SND1: variants seen among roughly 807,000 people sequenced by gnomAD.
SND1 encodes the protein staphylococcal nuclease and tudor domain containing 1.
Under a neutral mutation model 121.7 loss-of-function variants are expected in SND1, and 38 were observed. That is an observed-to-expected ratio of 0.31 (90% CI 0.24 to 0.41). The LOEUF is 0.41. Ranked by LOEUF, SND1 falls within the 10% of genes least tolerant of loss-of-function variation. SND1 has a pLI of 1.00. For missense variants in SND1, 868 were observed against 1,184.6 expected (o/e 0.73, Z 3.92); for synonymous variants, 401 against 447.4 (o/e 0.90, Z 1.31).
At chr7:127,915,623 A>G (rs1800557923) in intron 14 of SND1, among the ~76,000 whole-genome samples, 1 of 152,238 alleles carries the variant, frequency 6.6e-6, no homozygotes, top group Non-Finnish European at 1.5e-5. Context: ...TACAGGGAAT[A>G]CACAATTTGT....
chr7:127,976,145 G>A (rs1285396548), intron 15 of SND1, among the ~76,000 whole-genome samples: 1 of 152,220 alleles, frequency 6.6e-6, no homozygotes, highest in African/African-American at 2.4e-5. Context: ...CAGGAACCCT[G>A]GTCGGGGAAT....
chr7:128,048,600 C>T (rs1317741379), intron 16 of SND1, among the ~76,000 whole-genome samples: 3 of 151,856 alleles, frequency 2.0e-5, no homozygotes, highest in African/African-American at 4.8e-5. Flanking sequence ...AGCCTTGGGA[C>T]GGGAGAGAGG....
intron 10 of SND1, among the ~76,000 whole-genome samples, chr7:127,754,521 A>G (rs901987813): frequency 3.9e-5 from 6 of 152,198 alleles, no homozygotes; most frequent in African/African-American, 4.8e-5. Context: ...AGGTTGATAG[A>G]TCATTTGTTA....
rs549405630 is a variant in SND1 at position 127,836,428 on chromosome 7, A to G, written c.1243-7896A>G. ...AAGCACCTAATTACAATGATTTGGA[A>G]GGGGGTGTTAGAGAATACATCTGGG... On this transcript the variant is annotated intron_variant, in intron 11 of 23. Transcript: ENST00000354725. 7.9e-5 allele frequency among the ~76,000 whole-genome samples: 12 copies of G among 152,286 alleles called. No individual in the cohort carries two copies. The South Asian group carries it at 2.3e-3, about 29-fold the overall frequency.
chr7:127,706,181 A>G (rs781331848), intron 8 of SND1, among the ~76,000 whole-genome samples: 1 of 151,984 alleles, frequency 6.6e-6, no homozygotes, highest in Admixed American at 6.5e-5. Context: ...TGGTTCAGAG[A>G]ATCCTGTTAT....
intron 15 of SND1, among the ~76,000 whole-genome samples, chr7:127,955,565 A>G (rs1372455949): frequency 6.6e-6 from 1 of 152,168 alleles, no homozygotes; most frequent in East Asian, 1.9e-4. Flanking sequence ...TCTAGGATTT[A>G]AAACAGGAGA....
At chr7:127,789,057 T>G (rs1029172689) in intron 10 of SND1, among the ~76,000 whole-genome samples, 4 of 152,236 alleles carry the variant, frequency 2.6e-5, no homozygotes, top group African/African-American at 9.6e-5. Context: ...GCATGTACAT[T>G]TTAACAAATG....
chr7:128,029,502 G>T lies in SND1; in HGVS notation c.1779+38446G>T, dbSNP rs373622270. 59 of 1,613,980 alleles carry T rather than the reference G, an allele frequency of 3.7e-5. No homozygotes were observed. Among genetic ancestry groups the T allele is most frequent in the Non-Finnish European group, 4.7e-5 (56 of 1,180,036 alleles). On this transcript the variant is annotated intron_variant, in intron 16 of 23. Coordinates refer to ENST00000354725, the MANE Select transcript of SND1 (RefSeq NM_014390.4). The surrounding 1 kb of genome is among the most constrained non-coding windows in gnomAD (Gnocchi z 4.2). ...ATTGGGCAGCAACCACTTCACGGAG[G>T]ACATAGGGGGAGTCCGACACTTAAG...
chr7:127,809,765 G>A (rs1380935280), intron 11 of SND1, among the ~76,000 whole-genome samples: 4 of 152,198 alleles, frequency 2.6e-5, no homozygotes, highest in African/African-American at 7.2e-5. Flanking sequence ...ATTTTGAGGA[G>A]TTGCTAGAAT....
chr7:127,856,143 T>C (rs1799268340), intron 12 of SND1, among the ~76,000 whole-genome samples: 1 of 152,238 alleles, frequency 6.6e-6, no homozygotes, highest in African/African-American at 2.4e-5. Context: ...GTAATGGATA[T>C]GCATGAGTAA....
At position 127,686,698 on chromosome 7, in the gene SND1, G is replaced by A. The variant is rs1795818660; in HGVS notation, c.164G>A (p.Arg55His). 2 of 1,614,026 alleles carry A rather than the reference G, an allele frequency of 1.2e-6. No individual in the cohort carries two copies. The highest frequency in any genetic ancestry group is 1.3e-5 in the African/African-American group (1 of 74,924). The change falls in exon 2 of 24, where the codon CGT becomes CAT. Residue 55 changes from arginine (R) to histidine (H), a missense_variant. Coordinates refer to ENST00000354725, the MANE Select transcript of SND1 (RefSeq NM_014390.4). Reference sequence around the variant, plus strand: ...CGGCAGATCAACCTCAGCAACATTCGTGCTGGAAATCTTGCTCGCCGGGCA... The same window carrying A: ...CGGCAGATCAACCTCAGCAACATTCATGCTGGAAATCTTGCTCGCCGGGCA... ...PERQINLSNI[R>H]AGNLARRAAA...
At chr7:128,002,574 T>A (rs1802862491) in intron 16 of SND1, among the ~76,000 whole-genome samples, 1 of 152,158 alleles carries the variant, frequency 6.6e-6, no homozygotes, top group South Asian at 2.1e-4. Flanking sequence ...ACCTCATGGA[T>A]GTCTAAGGAA....
chr7:127,699,074 C>A, intron 4 of SND1, 121 bp downstream of exon 4: 1 of 736,000 alleles, frequency 1.4e-6, no homozygotes. Flanking sequence ...GACATTCTTG[C>A]CCAGGTATGG....
chr7:128,005,892 C>G (rs1462456754), intron 16 of SND1, among the ~76,000 whole-genome samples: 2 of 152,198 alleles, frequency 1.3e-5, no homozygotes, highest in Non-Finnish European at 2.9e-5. Flanking sequence ...GTCCCCACCC[C>G]CAGCCCCCGA....
At chr7:127,934,763 T>C (rs947062992) in intron 15 of SND1, among the ~76,000 whole-genome samples, 6 of 152,162 alleles carry the variant, frequency 3.9e-5, no homozygotes, top group African/African-American at 1.4e-4. Context: ...TCCATGAGAA[T>C]GTTCAAGCTC....
intron 12 of SND1, among the ~76,000 whole-genome samples, chr7:127,852,336 A>G (rs1355522242): frequency 6.6e-6 from 1 of 151,188 alleles, no homozygotes; most frequent in Non-Finnish European, 1.5e-5. Flanking sequence ...TCTACTAAAA[A>G]TAGGAAAATT....
chr7:127,872,270 G>T (rs1159997662), intron 12 of SND1, among the ~76,000 whole-genome samples: 1 of 152,208 alleles, frequency 6.6e-6, no homozygotes, highest in East Asian at 1.9e-4. Context: ...AGAGAGAGCT[G>T]GGGTGAGAAC....
chr7:128,077,038 C>T (rs1022429782), intron 17 of SND1, among the ~76,000 whole-genome samples: 15 of 152,190 alleles, frequency 9.9e-5, no homozygotes, highest in African/African-American at 2.7e-4. Flanking sequence ...TGGCAGATGC[C>T]TGTCCCCCCT....
At chr7:127,791,286 C>A (rs1195974182) in intron 10 of SND1, among the ~76,000 whole-genome samples, 4 of 151,650 alleles carry the variant, frequency 2.6e-5, no homozygotes, top group Non-Finnish European at 5.9e-5. Context: ...ACAGCTACAA[C>A]TACAGGCACA....
Sources: allele counts gnomAD v4.1 joint callset (sites outside exome capture counted in the v4.1 genomes callset), GRCh38; gene constraint gnomAD v4.1.1; non-coding constraint Gnocchi (gnomAD v3.1); transcripts MANE v1.5; gene names NCBI Gene and HGNC (gene_info 2026-07-23, HGNC 2026-07-21).